Variants in MYO9B observed in about 807,000 individuals in gnomAD.
MYO9B encodes the protein unconventional myosin-IXb.
MYO9B carries 71 observed loss-of-function variants against 229.5 expected under a neutral mutation model. The observed-to-expected ratio is 0.31, with a 90% CI of 0.26 to 0.38. MYO9B has a LOEUF of 0.38. Among genes scored for constraint, MYO9B ranks in the 10% least tolerant of loss-of-function variants. MYO9B has a pLI of 1.00. For synonymous variants in MYO9B, 1,185 were observed against 1,235.8 expected (o/e 0.96, Z 0.86); for missense variants, 2,255 against 2,920.5 (o/e 0.77, Z 5.25).
rs753661991 is a variant in MYO9B, at chr19:17,162,383, C to T, written c.1453C>T (p.Leu485=). Residue 485 remains leucine (L), a synonymous_variant, in exon 9 of 40, where the codon CTG becomes TTG. Coordinates refer to ENST00000682292, the MANE Select transcript of MYO9B (RefSeq NM_004145.4). ...TGCCCGCGACTCCATGGCCAAGTCT[C>T]TGTACAGCGCCCTGTTCGACTGGAT... The part of the protein sequence containing the change: ...ITARDSMAKS[L]YSALFDWIVL... 9 of 1,587,372 alleles carry T rather than the reference C, an allele frequency of 5.7e-6. No individual in the cohort carries two copies. The highest frequency in any genetic ancestry group is 1.3e-5 in the African/African-American group (1 of 74,204).
rs757636548 is a variant in MYO9B, at chr19:17,212,014, C to T, written c.6178C>T (p.Arg2060Trp). Residue 2060 changes from arginine to tryptophan, a missense_variant, in exon 40 of 40, where the codon CGG (arginine) becomes TGG (tryptophan). Physicochemically the swap from Arg to Trp is moderately radical, Grantham distance 101. Around this residue, in one of 7 missense-constraint regions of MYO9B, gnomAD observed 331 missense variants for 332.5 expected, o/e 1.00. Transcript: ENST00000682292. The surrounding 1 kb of genome is among the most constrained non-coding windows in gnomAD (Gnocchi z 5.4). ...CGTAACGGTCAGAGTGAAGACCCCCCGGCGGACCCCCATCATGCCCACGGC... is the reference window on the plus strand; with the variant it reads ...CGTAACGGTCAGAGTGAAGACCCCCTGGCGGACCCCCATCATGCCCACGGC... ...SFVTVRVKTP[R>W]RTPIMPTANI... The T allele has an allele frequency of 2.7e-5, 43 of 1,608,954 alleles. No homozygotes were observed. Among genetic ancestry groups the T allele is most frequent in the Non-Finnish European group, 3.3e-5 (39 of 1,178,420 alleles).
chr19:17,163,217 G>T (rs2072623381), intron 10 of MYO9B, 95 bp downstream of exon 10: 4 of 1,335,496 alleles, frequency 3.0e-6, no homozygotes, highest in Non-Finnish European at 4.1e-6. Flanking sequence ...ATTCAGTTCA[G>T]CGGCGGTAAG....
intron 2 of MYO9B, among the ~76,000 whole-genome samples, chr19:17,124,427 C>T (rs898240381): frequency 1.3e-5 from 2 of 152,174 alleles, no homozygotes; most frequent in Non-Finnish European, 2.9e-5. Context: ...AATAAAACTT[C>T]GTGGAACTTT....
chr19:17,201,919 C>G lies in MYO9B; in HGVS notation c.4564-7C>G, dbSNP rs779868277. On this transcript the variant is annotated splice_region_variant and splice_polypyrimidine_tract_variant and intron_variant, in intron 26 of 39. Transcript: ENST00000682292. ...GGCACGCAGGGTCAGTTCCTCTCCCCTTCCAGATAAATGACCTCCGTTCCC... is the reference window on the plus strand; with the variant it reads ...GGCACGCAGGGTCAGTTCCTCTCCCGTTCCAGATAAATGACCTCCGTTCCC... The G allele has an allele frequency of 6.2e-7, 1 of 1,609,806 alleles. No homozygotes were observed. Among genetic ancestry groups the G allele is most frequent in the South Asian group, 1.1e-5 (1 of 90,226 alleles).
In MYO9B at chr19:17,150,824, TG is replaced by T. The variant is rs2072468970; in HGVS notation, c.936-1819del. Among the ~76,000 whole-genome samples, 4 of 141,458 alleles carry T rather than the reference TG, an allele frequency of 2.8e-5. 1 individual carries two copies. In the South Asian group the frequency reaches 9.0e-4, roughly 32 times the overall value. 92.8% of individuals were successfully genotyped at this position (141,458 alleles called of 152,430 possible). On this transcript the variant is annotated intron_variant, in intron 3 of 39. Transcript: ENST00000682292. ...TATTTTTCCTCGAAAAAACATTCAC[TG>T]CCACTACTTTTAGCATTGAGAGATA...
intron 1 of MYO9B, among the ~76,000 whole-genome samples, chr19:17,086,879 C>CAAA (rs11463253): frequency 6.8e-6 from 1 of 146,008 alleles, no homozygotes; most frequent in African/African-American, 2.5e-5. Context: ...GACTTCGTCT[C>CAAA]AAAAAAAAAA....
chr19:17,157,372 T>G (rs567764133), intron 7 of MYO9B: 28 of 223,944 alleles, frequency 1.3e-4, no homozygotes, highest in Admixed American at 4.1e-4. Flanking sequence ...TTGGCTAACA[T>G]GGCAAAACCT....
chr19:17,204,092 G>T (rs1187679018), intron 30 of MYO9B, among the ~76,000 whole-genome samples: 1 of 151,816 alleles, frequency 6.6e-6, no homozygotes, highest in African/African-American at 2.4e-5. Context: ...AGCCCAGAAG[G>T]CAGCCCCACC....
In MYO9B at chr19:17,086,069, G is replaced by C. The variant is rs146150818; in HGVS notation, c.-59+10195G>C. Among the ~76,000 whole-genome samples, 25 of 152,300 alleles carry C rather than the reference G, an allele frequency of 1.6e-4. No homozygotes were observed. In the East Asian group the frequency reaches 4.3e-3, roughly 26 times the overall value. ...GCTCCCGCCAAGGCACCCACAGGAC[G>C]TGCTTCCACCAAGGCCCCCCAGAGT... On this transcript the variant is annotated intron_variant, in intron 1 of 39. Transcript: ENST00000682292.
At chr19:17,104,103 A>C (rs993407835) in intron 2 of MYO9B, among the ~76,000 whole-genome samples, 2 of 151,992 alleles carry the variant, frequency 1.3e-5, no homozygotes, top group African/African-American at 4.8e-5. Context: ...TGGCTTCCAG[A>C]ACATGGCCAT....
chr19:17,086,391 A>G (rs1357392686), intron 1 of MYO9B, among the ~76,000 whole-genome samples: 1 of 152,188 alleles, frequency 6.6e-6, no homozygotes, highest in Non-Finnish European at 1.5e-5. Context: ...TGCACTGTAC[A>G]GGCCTCAGCA....
chr19:17,177,014 A>G (rs1222704372), intron 14 of MYO9B, among the ~76,000 whole-genome samples: 1 of 152,080 alleles, frequency 6.6e-6, no homozygotes, highest in African/African-American at 2.4e-5. Flanking sequence ...CCGCCTGGCC[A>G]ACATGGTGAA....
chr19:17,153,351 A>G (rs1312095451), intron 4 of MYO9B, among the ~76,000 whole-genome samples: 2 of 148,298 alleles, frequency 1.3e-5, no homozygotes, highest in Non-Finnish European at 3.0e-5. Flanking sequence ...ACAGGCATGC[A>G]CCACCACGCC....
intron 2 of MYO9B, among the ~76,000 whole-genome samples, chr19:17,135,015 C>T (rs528337165): frequency 6.6e-5 from 10 of 151,178 alleles, no homozygotes; most frequent in East Asian, 5.9e-4. Flanking sequence ...CTGCCCACCC[C>T]GGCCTCCCAA....
At chr19:17,160,630 C>T (rs1169395992) in intron 8 of MYO9B, among the ~76,000 whole-genome samples, 1 of 151,760 alleles carries the variant, frequency 6.6e-6, no homozygotes, top group Non-Finnish European at 1.5e-5. Flanking sequence ...GCCTCAGCCT[C>T]CTGAGTAGCT....
chr19:17,190,229 T>G (rs2072967293), intron 19 of MYO9B, among the ~76,000 whole-genome samples: 1 of 151,982 alleles, frequency 6.6e-6, no homozygotes, highest in Admixed American at 6.6e-5. Context: ...AGCCTTGCTC[T>G]GTCGCCCAGG....
intron 18 of MYO9B, 114 bp downstream of exon 18, chr19:17,186,115 C>T: frequency 1.1e-6 from 1 of 897,376 alleles, no homozygotes; most frequent in South Asian, 1.5e-5. Context: ...GTGCAGCAGT[C>T]CATCCAGAGG....
intron 1 of MYO9B, among the ~76,000 whole-genome samples, chr19:17,098,025 A>T (rs2057709046): frequency 6.9e-6 from 1 of 145,216 alleles, no homozygotes; most frequent in South Asian, 2.2e-4. Context: ...TCGTGAACGA[A>T]CTCCTCTTCA....
intron 15 of MYO9B, 170 bp from the exon 16 acceptor site, chr19:17,183,659 G>A (rs866986569): frequency 8.2e-5 from 49 of 600,306 alleles, no homozygotes; most frequent in Middle Eastern, 2.6e-4. Flanking sequence ...GGCACGCCAC[G>A]GTGTGCAGCG....
Sources: allele counts gnomAD v4.1 joint callset (sites outside exome capture counted in the v4.1 genomes callset), GRCh38; gene constraint gnomAD v4.1.1; regional missense constraint gnomAD v4.1.1; non-coding constraint Gnocchi (gnomAD v3.1); transcripts MANE v1.5; gene names NCBI Gene and HGNC (gene_info 2026-07-23, HGNC 2026-07-21).